The following IKZF3 variants were observed in gnomAD, a reference collection of about 807,000 sequenced individuals.
IKZF3 encodes the protein IKAROS family zinc finger 3.
Under a neutral mutation model 49.0 loss-of-function variants are expected in IKZF3, and 10 were observed. The ratio of observed to expected loss-of-function variants is 0.20; its 90% confidence interval spans 0.13 to 0.35. The LOEUF (loss-of-function observed/expected upper bound fraction) is 0.35. IKZF3 is among the 10% of genes least tolerant of loss of function. The probability of loss-of-function intolerance (pLI) is 1.00; values close to 1 mark genes in which losing one functional copy is unlikely to be tolerated. For missense variants in IKZF3, 498 were observed against 664.8 expected (o/e 0.75, Z 2.76); for synonymous variants, 209 against 228.2 (o/e 0.92, Z 0.76).
Position 39,765,910 on chromosome 17 carries a change from G to C in IKZF3, c.1410C>G (p.His470Gln). The C allele has an allele frequency of 6.2e-7, 1 of 1,614,256 alleles. No individual in the cohort carries two copies. Among genetic ancestry groups the C allele is most frequent in the Non-Finnish European group, 8.5e-7 (1 of 1,180,048 alleles). Residue 470 changes from histidine (H) to glutamine (Q), a missense_variant, in exon 8 of 8, where the codon CAC becomes CAG. This residue lies in a region of IKZF3 where 317 missense variants were observed against 397.3 expected (regional missense o/e 0.80). Coordinates refer to ENST00000346872, the MANE Select transcript of IKZF3 (RefSeq NM_012481.5). ...GGTCACGGAAGCCGTGGCAGCCCAT[G>C]TGAATCGTGAACATCACATAGTCCA... ...LFLDYVMFTI[H>Q]MGCHGFRDPF...
chr17:39,836,148 G>A (rs2062273604), intron 1 of IKZF3: 2 of 659,492 alleles, frequency 3.0e-6, no homozygotes, highest in Non-Finnish European at 5.5e-6. Context: ...CGGCCTGGAT[G>A]TTGGGGTCCA....
Position 39,864,149 on chromosome 17 carries a change from G to A in IKZF3, c.-23C>T, listed in dbSNP as rs535414500. 1.2e-6 allele frequency: 2 copies of A among 1,611,356 alleles called. No individual in the cohort carries two copies. The highest frequency in any genetic ancestry group is 1.1e-5 in the South Asian group (1 of 91,036). On this transcript the variant is annotated 5_prime_UTR_variant, in exon 1 of 8. Transcript: ENST00000346872. ...CATGTCGCTGCCGGGCCGGGCTGGAGCTGCCGCTGTGGCTACTCGGCCTCT... is the reference window on the plus strand; with the variant it reads ...CATGTCGCTGCCGGGCCGGGCTGGAACTGCCGCTGTGGCTACTCGGCCTCT...
intron 7 of IKZF3, among the ~76,000 whole-genome samples, chr17:39,776,620 T>C (rs1410825181): frequency 6.6e-6 from 1 of 152,236 alleles, no homozygotes; most frequent in Non-Finnish European, 1.5e-5. Context: ...TTAGGTAATT[T>C]TGAAATATAT....
intron 3 of IKZF3, among the ~76,000 whole-genome samples, chr17:39,800,076 TC>T (rs2061278678): frequency 6.6e-6 from 1 of 152,198 alleles, no homozygotes. Context: ...AGGCAGAAAA[TC>T]TTAAAGACCT....
At chr17:39,794,092 T>G (rs926809074) in intron 3 of IKZF3, among the ~76,000 whole-genome samples, 2 of 152,000 alleles carry the variant, frequency 1.3e-5, no homozygotes, top group African/African-American at 4.8e-5. Flanking sequence ...GGAAGGGAAT[T>G]TAAAGGTCAT....
intron 1 of IKZF3, among the ~76,000 whole-genome samples, chr17:39,863,808 C>CA (rs1388551645): frequency 4.6e-5 from 7 of 151,890 alleles, no homozygotes; most frequent in Non-Finnish European, 1.0e-4. Flanking sequence ...TTATTCCACC[C>CA]CAGATTTGCA....
chr17:39,843,594 C>T (rs1568052818), intron 1 of IKZF3, among the ~76,000 whole-genome samples: 1 of 152,116 alleles, frequency 6.6e-6, no homozygotes, highest in Non-Finnish European at 1.5e-5. Context: ...AACCCTCTGA[C>T]ATTTAAATAG....
chr17:39,856,423 C>T (rs185817039), intron 1 of IKZF3, among the ~76,000 whole-genome samples: 1 of 152,054 alleles, frequency 6.6e-6, no homozygotes, highest in East Asian at 2.0e-4. Context: ...GTGGCACGTG[C>T]CACCACACCC....
intron 3 of IKZF3, among the ~76,000 whole-genome samples, chr17:39,819,946 C>T (rs186560837): frequency 8.3e-4 from 127 of 152,304 alleles, no homozygotes; most frequent in African/African-American, 2.9e-3. Context: ...ATTGGGATTA[C>T]AGGCGTGAGC....
At chr17:39,832,207 G>T in intron 1 of IKZF3, 56 bp from the exon 2 acceptor site, 2 of 1,325,374 alleles carry the variant, frequency 1.5e-6, no homozygotes, top group Non-Finnish European at 2.2e-6. Context: ...CTACAGGTTT[G>T]AGCATTCCAA....
In IKZF3 at chr17:39,829,382, C is replaced by G. The variant is rs777190497; in HGVS notation, c.163+5G>C. 8 of 1,603,994 alleles carry G rather than the reference C, an allele frequency of 5.0e-6. No individual in the cohort carries two copies. Among genetic ancestry groups the G allele is most frequent in the Middle Eastern group, 1.6e-4 (1 of 6,066 alleles). On this transcript the variant is annotated splice_donor_5th_base_variant and intron_variant, in intron 3 of 7. Coordinates refer to ENST00000346872, the MANE Select transcript of IKZF3 (RefSeq NM_012481.5). ...TCAGTGTTTAGTCTGCACACTACGGCTCACCTCCTATGTCTTCATCTTCAT... is the reference window on the plus strand; with the variant it reads ...TCAGTGTTTAGTCTGCACACTACGGGTCACCTCCTATGTCTTCATCTTCAT...
intron 6 of IKZF3, among the ~76,000 whole-genome samples, chr17:39,787,487 T>C (rs1043035436): frequency 6.6e-6 from 1 of 152,264 alleles, no homozygotes; most frequent in Non-Finnish European, 1.5e-5. Flanking sequence ...GCCTCTTCCC[T>C]AGCCACTCCC....
chr17:39,788,173 A>G (rs1479468574), intron 6 of IKZF3, 85 bp downstream of exon 6: 1 of 776,646 alleles, frequency 1.3e-6, no homozygotes, highest in Non-Finnish European at 2.2e-6. Context: ...AGTAAAATAT[A>G]AACTCCACGA....
At chr17:39,793,531 G>A (rs550211767) in intron 3 of IKZF3, among the ~76,000 whole-genome samples, 25 of 152,342 alleles carry the variant, frequency 1.6e-4, no homozygotes, top group Non-Finnish European at 2.9e-4. Context: ...ATTGACTGTA[G>A]AGGAAGTTGT....
chr17:39,841,643 A>T (rs2062470965), intron 1 of IKZF3, among the ~76,000 whole-genome samples: 1 of 152,144 alleles, frequency 6.6e-6, no homozygotes, highest in South Asian at 2.1e-4. Context: ...TATAATAAGG[A>T]TAATGAGAGC....
At chr17:39,804,988 C>G (rs986766405) in intron 3 of IKZF3, among the ~76,000 whole-genome samples, 5 of 152,166 alleles carry the variant, frequency 3.3e-5, no homozygotes, top group Middle Eastern at 3.2e-3. Flanking sequence ...ACATATACTT[C>G]CTGACATGTA....
chr17:39,782,336 G>A (rs1351559860), intron 6 of IKZF3, among the ~76,000 whole-genome samples: 1 of 151,980 alleles, frequency 6.6e-6, no homozygotes, highest in African/African-American at 2.4e-5. Context: ...TTGAGCCCAG[G>A]GAGCTATGAT....
At chr17:39,799,877 A>C (rs1023767129) in intron 3 of IKZF3, among the ~76,000 whole-genome samples, 2 of 152,218 alleles carry the variant, frequency 1.3e-5, no homozygotes, top group Non-Finnish European at 2.9e-5. Context: ...CATCCGTCTT[A>C]TTCTGCTTTA....
At chr17:39,783,332 TA>T (rs2060792212) in intron 6 of IKZF3, among the ~76,000 whole-genome samples, 1 of 152,234 alleles carries the variant, frequency 6.6e-6, no homozygotes, top group African/African-American at 2.4e-5. Context: ...TAGCATTTTT[TA>T]TTTTTTGAGA....
Sources: allele counts gnomAD v4.1 joint callset (sites outside exome capture counted in the v4.1 genomes callset), GRCh38; gene constraint gnomAD v4.1.1; regional missense constraint gnomAD v4.1.1; transcripts MANE v1.5; gene names NCBI Gene and HGNC (gene_info 2026-07-23, HGNC 2026-07-21).